LRRC4C: variants seen among roughly 807,000 people sequenced by gnomAD.
LRRC4C encodes leucine rich repeat containing 4C.
LRRC4C carries 5 observed loss-of-function variants against 33.6 expected under a neutral mutation model. The ratio of observed to expected loss-of-function variants is 0.15; its 90% confidence interval spans 0.08 to 0.31. LRRC4C has a LOEUF of 0.31. Among genes scored for constraint, LRRC4C ranks in the 10% least tolerant of loss-of-function variants. The pLI, the probability that LRRC4C is intolerant of heterozygous loss-of-function variation, is 1.00. For synonymous variants in LRRC4C, 329 were observed against 302.0 expected (o/e 1.09, Z -0.93); for missense variants, 560 against 796.7 (o/e 0.70, Z 3.58).
intron 2 of LRRC4C, among the ~76,000 whole-genome samples, chr11:40,703,070 T>A (rs1945955576): frequency 6.6e-6 from 1 of 151,984 alleles, no homozygotes; most frequent in Non-Finnish European, 1.5e-5. Context: ...AATAATAATA[T>A]TTTTTAATAG....
intron 1 of LRRC4C, among the ~76,000 whole-genome samples, chr11:40,970,184 T>A (rs10837536): frequency 0.24 from 36,439 of 152,020 alleles, 4,819 homozygotes; most frequent in Middle Eastern, 0.32. Context: ...TGGTAATTGA[T>A]AAGGTTTGGA....
At chr11:41,293,293 T>C (rs1950043234) in intron 1 of LRRC4C, among the ~76,000 whole-genome samples, 1 of 152,114 alleles carries the variant, frequency 6.6e-6, no homozygotes. Flanking sequence ...ACTATCATAG[T>C]AAGATAAAAG....
At chr11:40,754,220 C>G (rs1051036849) in intron 2 of LRRC4C, among the ~76,000 whole-genome samples, 1 of 152,010 alleles carries the variant, frequency 6.6e-6, no homozygotes, top group Non-Finnish European at 1.5e-5. Context: ...AAAGGACATG[C>G]TGGCTATCCT....
At chr11:41,070,264 T>A (rs1368859380) in intron 1 of LRRC4C, among the ~76,000 whole-genome samples, 1 of 151,898 alleles carries the variant, frequency 6.6e-6, no homozygotes, top group Non-Finnish European at 1.5e-5. Context: ...TACAAAATTA[T>A]CTCAAGATGG....
chr11:40,780,213 T>G (rs1297957933), intron 2 of LRRC4C, among the ~76,000 whole-genome samples: 2 of 152,286 alleles, frequency 1.3e-5, no homozygotes, highest in Non-Finnish European at 1.5e-5. Flanking sequence ...AAATTCTTTT[T>G]AATGCCCTGG....
At chr11:40,570,254 C>T (rs900643095) in intron 3 of LRRC4C, among the ~76,000 whole-genome samples, 2 of 152,040 alleles carry the variant, frequency 1.3e-5, no homozygotes, top group Non-Finnish European at 1.5e-5. Context: ...ATTTTACACA[C>T]ACCACTTTTA....
intron 1 of LRRC4C, among the ~76,000 whole-genome samples, chr11:41,345,001 A>T (rs1246388348): frequency 1.3e-5 from 2 of 151,984 alleles, no homozygotes; most frequent in African/African-American, 4.8e-5. Context: ...TTTCCTGGGG[A>T]ACTATTGACT....
chr11:40,242,968 A>C (rs1483209926), intron 4 of LRRC4C, among the ~76,000 whole-genome samples: 1 of 152,196 alleles, frequency 6.6e-6, no homozygotes, highest in Non-Finnish European at 1.5e-5. Flanking sequence ...TCTGAAAAAA[A>C]ATATTCTTTG....
intron 2 of LRRC4C, among the ~76,000 whole-genome samples, chr11:40,910,685 G>T (rs1404543231): frequency 6.6e-6 from 1 of 152,170 alleles, no homozygotes; most frequent in African/African-American, 2.4e-5. Flanking sequence ...ACTGGGGATT[G>T]TCAGACAGTG....
rs142585714 is a variant in LRRC4C at position 41,426,827 on chromosome 11, C to T, written c.-496+32604G>A. On this transcript the variant is annotated intron_variant, in intron 1 of 6. Coordinates refer to ENST00000528697, the MANE Select transcript of LRRC4C (RefSeq NM_001258419.2). Reference sequence around the variant, plus strand: ...ACACTGCTGGGGTTGGAACACTCAGCATAGCTTGTTGACTTCCCAGGCCTC... The same window carrying T: ...ACACTGCTGGGGTTGGAACACTCAGTATAGCTTGTTGACTTCCCAGGCCTC... Among the ~76,000 whole-genome samples, 866 of 152,254 alleles carry T rather than the reference C, an allele frequency of 5.7e-3. 6 individuals are homozygous for T. The highest frequency in any genetic ancestry group is 0.027 in the Middle Eastern group (8 of 294).
intron 3 of LRRC4C, among the ~76,000 whole-genome samples, chr11:40,455,268 G>A (rs1590794504): frequency 6.6e-6 from 1 of 152,156 alleles, no homozygotes; most frequent in African/African-American, 2.4e-5. Flanking sequence ...TGTACAAAAC[G>A]AGGTGCTCAC....
chr11:40,781,325 A>G (rs2137276791), intron 2 of LRRC4C, among the ~76,000 whole-genome samples: 1 of 152,296 alleles, frequency 6.6e-6, no homozygotes, highest in South Asian at 2.1e-4. Context: ...ATACACACAC[A>G]CACATATATT....
intron 3 of LRRC4C, among the ~76,000 whole-genome samples, chr11:40,520,349 TTCAC>T (rs57077110): frequency 0.064 from 9,806 of 152,246 alleles, 818 homozygotes; most frequent in African/African-American, 0.2. Flanking sequence ...ACATGCTTTC[TTCAC>T]TAAGTTTAAT....
chr11:40,834,901 CAGACAGACAG>C (rs1187880054), intron 2 of LRRC4C, among the ~76,000 whole-genome samples: 11 of 84,290 alleles, frequency 1.3e-4, no homozygotes, highest in Admixed American at 5.9e-4. Context: ...GACAGACAGA[CAGACAGACAG>C]ACACACACAC....
intron 2 of LRRC4C, among the ~76,000 whole-genome samples, chr11:40,786,875 T>A (rs1950433380): frequency 6.8e-6 from 1 of 146,604 alleles, no homozygotes; most frequent in Non-Finnish European, 1.5e-5. Context: ...CCAGAAAACA[T>A]TTGTAATAAG....
At chr11:41,232,263 G>C (rs888278001) in intron 1 of LRRC4C, among the ~76,000 whole-genome samples, 2 of 152,010 alleles carry the variant, frequency 1.3e-5, no homozygotes, top group African/African-American at 4.8e-5. Context: ...CTGAGACTAT[G>C]AGATGTTTTA....
At chr11:40,290,109 G>A (rs1944093468) in intron 4 of LRRC4C, among the ~76,000 whole-genome samples, 1 of 152,016 alleles carries the variant, frequency 6.6e-6, no homozygotes, top group Admixed American at 6.6e-5. Context: ...TCAAGGCTGG[G>A]GTTCCCATGT....
intron 1 of LRRC4C, among the ~76,000 whole-genome samples, chr11:41,313,761 T>C (rs1218459277): frequency 6.6e-6 from 1 of 152,220 alleles, no homozygotes; most frequent in Non-Finnish European, 1.5e-5. Flanking sequence ...ATTTGTGATT[T>C]ATTCTGTGAT....
At position 40,115,989 on chromosome 11, in the gene LRRC4C, A is replaced by C. The variant is rs1305396239; in HGVS notation, c.304T>G (p.Leu102Val). The change falls in exon 7 of 7, where the codon TTG becomes GTG. Residue 102 changes from leucine to valine, a missense_variant. Coordinates refer to ENST00000528697, the MANE Select transcript of LRRC4C (RefSeq NM_001258419.2). This position sits in a 1 kb window ranked among gnomAD's most constrained non-coding sequence, Gnocchi z 6.7. ...TTCCTACTCAACTGTAGGATTTCCAAGTGTCTCAAGTGCTTGAAGCTGTTC... is the reference window on the plus strand; with the variant it reads ...TTCCTACTCAACTGTAGGATTTCCACGTGTCTCAAGTGCTTGAAGCTGTTC... ...KVNSFKHLRH[L>V]EILQLSRNHI... 6.2e-7 allele frequency: 1 copy of C among 1,614,110 alleles called. No homozygotes were observed.
Sources: allele counts gnomAD v4.1 joint callset (sites outside exome capture counted in the v4.1 genomes callset), GRCh38; gene constraint gnomAD v4.1.1; non-coding constraint Gnocchi (gnomAD v3.1); transcripts MANE v1.5; gene names NCBI Gene and HGNC (gene_info 2026-07-23, HGNC 2026-07-21).